Variants in WDR93 observed in about 807,000 individuals in gnomAD.
The protein encoded by WDR93 is WD repeat domain 93.
WDR93 carries 73 observed loss-of-function variants against 82.9 expected under a neutral mutation model. The ratio of observed to expected loss-of-function variants is 0.88; its 90% CI spans 0.73 to 1.07. The LOEUF is 1.07. Ranked by LOEUF, WDR93 falls within the 50% of genes least tolerant of loss-of-function variation. The probability of loss-of-function intolerance (pLI) is 0.00; values close to 1 mark genes in which losing one functional copy is unlikely to be tolerated. For missense variants in WDR93, 738 were observed against 826.0 expected, an observed-to-expected ratio of 0.89 and a Z score of 1.31; for synonymous variants, 283 against 300.1, an observed-to-expected ratio of 0.94 and a Z score of 0.59.
chr15:89,720,023 C>T (rs1381170154), intron 7 of WDR93, among the ~76,000 whole-genome samples: 2 of 152,044 alleles, frequency 1.3e-5, no homozygotes, highest in African/African-American at 2.4e-5. Flanking sequence ...TGGTCTTGAA[C>T]TCCTGACCTC....
rs1404884353 is a variant in WDR93, at chr15:89,733,054, G to A, written c.1379G>A (p.Ser460Asn). 1.2e-6 allele frequency: 2 copies of A among 1,614,148 alleles called. No homozygotes were observed. The highest frequency in any genetic ancestry group is 2.2e-5 in the South Asian group (2 of 91,080). ...CTTCCTCAGGGATGTTTCTGCCAAA[G>A]CATTCACTTCCTAAAATATTTCTCG... ...AALPQGCFCQ[S>N]IHFLKYFSVH... is the part of the protein sequence containing the mutation. The change falls in exon 13 of 17, where the codon AGC (serine) becomes AAC (asparagine). Residue 460 changes from serine to asparagine, a missense_variant. Physicochemically the swap from Ser to Asn is conservative, Grantham distance 46. Transcript: ENST00000268130.
intron 4 of WDR93, 47 bp downstream of exon 4, chr15:89,705,665 AATTAAGTTT>A (rs1965696927): frequency 8.1e-7 from 1 of 1,234,830 alleles, no homozygotes; most frequent in Admixed American, 1.8e-5. Context: ...AGCTGTAGCA[AATTAAGTTT>A]ATTTTTAATA....
intron 4 of WDR93, among the ~76,000 whole-genome samples, chr15:89,709,968 G>C (rs1965894585): frequency 6.6e-6 from 1 of 152,228 alleles, no homozygotes; most frequent in East Asian, 1.9e-4. Context: ...AGACCATCCT[G>C]GCTAACACGG....
intron 7 of WDR93, among the ~76,000 whole-genome samples, chr15:89,718,671 A>C (rs1284402197): frequency 6.6e-6 from 1 of 152,230 alleles, no homozygotes; most frequent in Non-Finnish European, 1.5e-5. Context: ...CACATTGTAC[A>C]AATAATATAT....
At chr15:89,705,307 C>T (rs1262585026) in intron 3 of WDR93, 11 of 506,356 alleles carry the variant, frequency 2.2e-5, no homozygotes, top group South Asian at 6.5e-5. Flanking sequence ...TTACAGGAGA[C>T]GTCTGGGAGA....
chr15:89,698,464 A>G (rs1965296486), intron 1 of WDR93, among the ~76,000 whole-genome samples: 2 of 152,146 alleles, frequency 1.3e-5, no homozygotes, highest in South Asian at 4.1e-4. Flanking sequence ...AGATTTTGCT[A>G]TACATTGTTT....
In WDR93 at chr15:89,738,395, G is replaced by A. The variant is rs1967383205; in HGVS notation, c.1961+159G>A. On this transcript the variant is annotated intron_variant, in intron 16 of 16. Transcript: ENST00000268130. ...TAATCCCAGCACTTTGGGAGTCCGA[G>A]GCAGGCGGATCACCTGAGGTGAGGA... Among the ~76,000 whole-genome samples, 3 of 152,170 alleles carry A rather than the reference G, an allele frequency of 2.0e-5. No homozygotes were observed. The South Asian group carries it at 6.2e-4, about 32-fold the overall frequency.
chr15:89,710,380 G>A (rs1007634339), intron 4 of WDR93, among the ~76,000 whole-genome samples: 3 of 152,126 alleles, frequency 2.0e-5, no homozygotes, highest in Non-Finnish European at 4.4e-5. Flanking sequence ...AAGAACAGGC[G>A]AAATTTATCT....
intron 1 of WDR93, among the ~76,000 whole-genome samples, chr15:89,693,909 A>C (rs1347327578): frequency 6.6e-6 from 1 of 152,218 alleles, no homozygotes; most frequent in East Asian, 1.9e-4. Context: ...AGAAGTTAAC[A>C]TGGAGGATTA....
chr15:89,712,185 C>A (rs186788037), intron 5 of WDR93, 81 bp downstream of exon 5: 2 of 1,141,052 alleles, frequency 1.8e-6, no homozygotes, highest in Non-Finnish European at 1.2e-6. Flanking sequence ...TCCCTCCAAA[C>A]CTTTTATTTA....
chr15:89,731,621 G>A, intron 12 of WDR93, 59 bp downstream of exon 12: 1 of 1,606,636 alleles, frequency 6.2e-7, no homozygotes, highest in South Asian at 1.1e-5. Context: ...AATGAGTCTG[G>A]GAGCTCTGGA....
At chr15:89,700,979 TACACACAC>T (rs34106334) in intron 1 of WDR93, among the ~76,000 whole-genome samples, 13 of 150,210 alleles carry the variant, frequency 8.7e-5, no homozygotes, top group Non-Finnish European at 1.5e-4. Context: ...TATGTGTGTG[TACACACAC>T]ACACACACAC....
Position 89,731,500 on chromosome 15 carries a change from C to G in WDR93, c.1268C>G (p.Ser423Cys), listed in dbSNP as rs1966858231. The G allele has an allele frequency of 1.9e-6, 3 of 1,614,030 alleles. No individual in the cohort carries two copies. Among genetic ancestry groups the G allele is most frequent in the Non-Finnish European group, 2.5e-6 (3 of 1,180,036 alleles). ...APIAVSQLSC[S>C]SSYLVLACED... Reference sequence around the variant, plus strand: ...ATTGCAGTCTCTCAGCTCAGCTGCTCCTCCTCCTACCTGGTGCTGGCCTGC... The same window carrying G: ...ATTGCAGTCTCTCAGCTCAGCTGCTGCTCCTCCTACCTGGTGCTGGCCTGC... Residue 423 changes from serine to cysteine, a missense_variant, in exon 12 of 17, where the codon TCC (serine) becomes TGC (cysteine). Ser to Cys is a moderately radical substitution (Grantham distance 112). Coordinates refer to ENST00000268130, the MANE Select transcript of WDR93 (RefSeq NM_020212.2).
intron 4 of WDR93, among the ~76,000 whole-genome samples, chr15:89,707,436 G>T (rs770657406): frequency 5.9e-5 from 9 of 152,016 alleles, no homozygotes; most frequent in Non-Finnish European, 7.4e-5. Context: ...CTATATCCCA[G>T]CTACTCAGGA....
Position 89,737,747 on chromosome 15 carries a change from G to C in WDR93, c.1765+18G>C. On this transcript the variant is annotated intron_variant, in intron 15 of 16. Coordinates refer to ENST00000268130, the MANE Select transcript of WDR93 (RefSeq NM_020212.2). The stretch of plus-strand genomic sequence containing the variant: ...GCTCCGAGGTACAGAAAGGGACCAG[G>C]GCTGATGCCCACTGACCATTTCCCT... 1 of 1,613,968 alleles carries C rather than the reference G, an allele frequency of 6.2e-7. No individual in the cohort carries two copies. Among genetic ancestry groups the C allele is most frequent in the Non-Finnish European group, 8.5e-7 (1 of 1,179,940 alleles).
intron 1 of WDR93, among the ~76,000 whole-genome samples, chr15:89,697,709 T>C (rs1416452607): frequency 6.6e-6 from 1 of 152,194 alleles, no homozygotes; most frequent in Non-Finnish European, 1.5e-5. Context: ...TGTTTATGTG[T>C]TCTATAATTT....
At chr15:89,721,634 GA>G (rs1966531340) in intron 7 of WDR93, among the ~76,000 whole-genome samples, 1 of 152,174 alleles carries the variant, frequency 6.6e-6, no homozygotes, top group African/African-American at 2.4e-5. Flanking sequence ...CTGTTTCAAA[GA>G]TGGGCTCTCG....
At chr15:89,697,261 A>AT (rs367946894) in intron 1 of WDR93, among the ~76,000 whole-genome samples, 22 of 152,020 alleles carry the variant, frequency 1.4e-4, no homozygotes, top group African/African-American at 3.6e-4. Flanking sequence ...ACCTGGCACT[A>AT]TTTTTTTTAT....
chr15:89,737,519 C>T, intron 14 of WDR93, 54 bp from the exon 15 acceptor site: 1 of 1,608,848 alleles, frequency 6.2e-7, no homozygotes, highest in Non-Finnish European at 8.5e-7. Flanking sequence ...CACGACCTTC[C>T]TGTGAGGGAC....
Sources: gnomAD v4.1 joint callset for allele counts (sites outside exome capture counted in the v4.1 genomes callset) on GRCh38, gnomAD v4.1.1 for gene constraint, MANE v1.5 for transcripts, NCBI Gene and HGNC (gene_info 2026-07-23, HGNC 2026-07-21) for gene names.